GAS7: variants seen among roughly 807,000 people sequenced by gnomAD.
The protein encoded by GAS7 is growth arrest-specific protein 7.
Under a neutral mutation model 71.1 loss-of-function variants are expected in GAS7, and 28 were observed. That is an observed-to-expected ratio of 0.39 (90% confidence interval 0.29 to 0.54). GAS7 has a LOEUF of 0.54. GAS7 is among the 20% of genes least tolerant of loss of function. The probability of loss-of-function intolerance (pLI) is 0.62; values close to 1 mark genes in which losing one functional copy is unlikely to be tolerated. For missense variants in GAS7, 436 were observed against 627.8 expected (o/e 0.69, Z 3.27); for synonymous variants, 258 against 245.8 (o/e 1.05, Z -0.46).
chr17:10,007,419 G>A (rs2071580465), intron 2 of GAS7, among the ~76,000 whole-genome samples: 1 of 151,980 alleles, frequency 6.6e-6, no homozygotes, highest in African/African-American at 2.4e-5. Context: ...GAGGTCAGGA[G>A]TTTGAGACCA....
At position 10,034,226 on chromosome 17, in the gene GAS7, A is replaced by G; in HGVS notation, c.184-14329T>C. ...CTTCCATCTCTGCTGGGAGGCCTCA[A>G]TTGCTTCATCTCTAAAACACGGAAG... On this transcript the variant is annotated intron_variant, in intron 1 of 13. Coordinates refer to ENST00000432992, the MANE Select transcript of GAS7 (RefSeq NM_201433.2). The surrounding 1 kb of genome is among the most constrained non-coding windows in gnomAD (Gnocchi z 4.4). 1 of 985,134 alleles carries G rather than the reference A, an allele frequency of 1.0e-6. No individual in the cohort carries two copies. The highest frequency in any genetic ancestry group is 4.7e-5 in the South Asian group (1 of 21,274). 61.0% of individuals were successfully genotyped at this position (985,134 alleles called of 1,614,324 possible).
chr17:10,166,365 G>A (rs552511002), intron 1 of GAS7, among the ~76,000 whole-genome samples: 1 of 152,174 alleles, frequency 6.6e-6, no homozygotes, highest in South Asian at 2.1e-4. Context: ...GGGCCCCAAG[G>A]GACCTCCTTC....
At chr17:10,003,210 T>C (rs2071339905) in intron 2 of GAS7, among the ~76,000 whole-genome samples, 1 of 151,872 alleles carries the variant, frequency 6.6e-6, no homozygotes, top group East Asian at 1.9e-4. Flanking sequence ...TCTGGACAAA[T>C]GAGAAACAGA....
intron 2 of GAS7, among the ~76,000 whole-genome samples, chr17:9,984,572 C>A (rs1303545522): frequency 6.6e-6 from 1 of 152,156 alleles, no homozygotes; most frequent in Admixed American, 6.5e-5. Flanking sequence ...GAGCAGGAAG[C>A]CTTGGAGAAC....
intron 1 of GAS7, among the ~76,000 whole-genome samples, chr17:10,096,033 C>T (rs2073638251): frequency 6.6e-6 from 1 of 152,124 alleles, no homozygotes; most frequent in Non-Finnish European, 1.5e-5. Context: ...TTCTCCCCCA[C>T]AGCATTCTCT....
chr17:10,035,158 T>C (rs974937073), intron 1 of GAS7, among the ~76,000 whole-genome samples: 1 of 151,574 alleles, frequency 6.6e-6, no homozygotes, highest in African/African-American at 2.4e-5. Context: ...TCTCTGCTAC[T>C]CCCTCCACCC....
intron 1 of GAS7, among the ~76,000 whole-genome samples, chr17:10,031,714 T>C (rs1285864517): frequency 2.0e-5 from 3 of 152,206 alleles, no homozygotes; most frequent in Non-Finnish European, 4.4e-5. Context: ...GAGGAGACAA[T>C]GCAAGAAATG....
chr17:10,018,044 T>C (rs16959234), intron 2 of GAS7, among the ~76,000 whole-genome samples: 9,745 of 152,238 alleles, frequency 0.064, 561 homozygotes, highest in African/African-American at 0.14. Flanking sequence ...ACACAGCTGT[T>C]TAAAAGAATG....
At chr17:10,164,419 C>T (rs2074277732) in intron 1 of GAS7, among the ~76,000 whole-genome samples, 2 of 142,400 alleles carry the variant, frequency 1.4e-5, no homozygotes, top group African/African-American at 2.7e-5. Context: ...TCCAGCCTAG[C>T]GACAAAGTGA....
intron 1 of GAS7, among the ~76,000 whole-genome samples, chr17:10,024,161 T>C (rs142007046): frequency 3.9e-5 from 6 of 152,228 alleles, no homozygotes; most frequent in African/African-American, 1.4e-4. Flanking sequence ...AAAAACTTTT[T>C]TCTGCCTTCT....
At chr17:10,180,499 C>G (rs1196226325) in intron 1 of GAS7, among the ~76,000 whole-genome samples, 1 of 152,054 alleles carries the variant, frequency 6.6e-6, no homozygotes, top group Non-Finnish European at 1.5e-5. Flanking sequence ...TCGAGAACAC[C>G]CCCATCCAAG....
intron 9 of GAS7, among the ~76,000 whole-genome samples, chr17:9,927,650 C>A (rs534425275): frequency 6.6e-6 from 1 of 152,312 alleles, no homozygotes; most frequent in Admixed American, 6.5e-5. Context: ...TGTCTCCAAG[C>A]ACTCAGCACA....
chr17:9,940,451 G>C (rs1393907469), intron 7 of GAS7, among the ~76,000 whole-genome samples: 1 of 152,190 alleles, frequency 6.6e-6, no homozygotes, highest in East Asian at 1.9e-4. Context: ...CGGTCTCCTA[G>C]AGCTGTGAAG....
At chr17:10,049,609 CTTTTTTTTTTTTTTTTTTT>C (rs1168627510) in intron 1 of GAS7, among the ~76,000 whole-genome samples, 1 of 70,396 alleles carries the variant, frequency 1.4e-5, no homozygotes. Flanking sequence ...GAAATTACTT[CTTTTTTTTTTTTTTTTTTT>C]TTTTTTTTTT....
At chr17:10,008,375 G>C (rs1435229380) in intron 2 of GAS7, among the ~76,000 whole-genome samples, 1 of 152,194 alleles carries the variant, frequency 6.6e-6, no homozygotes, top group African/African-American at 2.4e-5. Flanking sequence ...CTAACAGACA[G>C]TGAGGAACGC....
intron 1 of GAS7, among the ~76,000 whole-genome samples, chr17:10,063,870 C>T (rs2073248389): frequency 6.6e-6 from 1 of 152,124 alleles, no homozygotes; most frequent in South Asian, 2.1e-4. Context: ...GTGAGGGGGG[C>T]AGAGGAAGCA....
intron 1 of GAS7, among the ~76,000 whole-genome samples, chr17:10,120,303 G>T (rs1221752930): frequency 6.6e-6 from 1 of 152,200 alleles, no homozygotes; most frequent in African/African-American, 2.4e-5. Context: ...TTCCTCAAAA[G>T]TTGGGAGGAT....
intron 1 of GAS7, among the ~76,000 whole-genome samples, chr17:10,139,605 C>T (rs567643536): frequency 6.6e-6 from 1 of 151,684 alleles, no homozygotes; most frequent in African/African-American, 2.4e-5. Flanking sequence ...ACTCCCAAGC[C>T]TACTGTCTTC....
intron 1 of GAS7, among the ~76,000 whole-genome samples, chr17:10,162,794 C>T (rs1200722354): frequency 6.6e-6 from 1 of 152,162 alleles, no homozygotes. Context: ...CTAGTATAGT[C>T]AAATTCATAG....
Sources: gnomAD v4.1 joint callset for allele counts (sites outside exome capture counted in the v4.1 genomes callset) on GRCh38, gnomAD v4.1.1 for gene constraint, Gnocchi (gnomAD v3.1) non-coding constraint, MANE v1.5 for transcripts, NCBI Gene and HGNC (gene_info 2026-07-23, HGNC 2026-07-21) for gene names.